MAJIN: variants seen among roughly 807,000 people sequenced by gnomAD.
MAJIN encodes the protein membrane anchored junction protein.
A neutral mutation model predicts 30.2 loss-of-function variants in MAJIN; 27 were observed. The observed-to-expected ratio is 0.89, with a 90% CI of 0.66 to 1.23. MAJIN has a LOEUF of 1.23. Ranked by LOEUF, MAJIN falls within the 50% of genes most tolerant of loss-of-function variation. The probability of loss-of-function intolerance (pLI) is 0.00; values close to 1 mark genes in which losing one functional copy is unlikely to be tolerated. For missense variants in MAJIN, 253 were observed against 260.3 expected, an observed-to-expected ratio of 0.97 and a Z score of 0.19; for synonymous variants, 78 against 91.6, an observed-to-expected ratio of 0.85 and a Z score of 0.85.
chr11:64,950,003 T>C, intron 5 of MAJIN, 135 bp from the exon 6 acceptor site: 1 of 1,231,444 alleles, frequency 8.1e-7, no homozygotes, highest in Non-Finnish European at 1.1e-6. Flanking sequence ...CATTTGAGTC[T>C]AAAATGTGAG....
intron 3 of MAJIN, among the ~76,000 whole-genome samples, chr11:64,958,635 G>A (rs910340025): frequency 6.6e-6 from 1 of 150,756 alleles, no homozygotes; most frequent in Non-Finnish European, 1.5e-5. Flanking sequence ...AAATTGCAAG[G>A]GAGTCGAGAT....
intron 9 of MAJIN, 184 bp from the exon 10 acceptor site, chr11:64,939,951 C>T (rs1391574701): frequency 2.0e-6 from 1 of 510,336 alleles, no homozygotes. Context: ...CTATTCTGAC[C>T]TCAGAGTATT....
At position 64,939,725 on chromosome 11, in the gene MAJIN, G is replaced by C. The variant is rs1945345733; in HGVS notation, c.589C>G (p.Pro197Ala). ...DTACQGELSHPCSTTHLHLRS... is the reference protein window; with the variant it reads ...DTACQGELSHACSTTHLHLRS... ...AGGTGGAGGTGAGTTGTGCTGCAGG[G>C]GTGGGACAATTCGCCCTGGCAGGCT... The change falls in exon 10 of 11, where the codon CCC becomes GCC. Residue 197 changes from proline to alanine, a missense_variant. By Grantham distance (27) the Pro-to-Ala change is conservative. Transcript: ENST00000301896. The C allele has an allele frequency of 6.2e-7, 1 of 1,614,082 alleles. No homozygotes were observed.
chr11:64,963,402 C>T (rs191450091), intron 1 of MAJIN, among the ~76,000 whole-genome samples: 517 of 152,242 alleles, frequency 3.4e-3, no homozygotes, highest in Non-Finnish European at 5.9e-3. Flanking sequence ...GGGCCAAATG[C>T]TATATGAGGA....
chr11:64,942,757 C>A lies in MAJIN; in HGVS notation c.474-2111G>T, dbSNP rs1013737723. Among the ~76,000 whole-genome samples the A allele has an allele frequency of 2.6e-5, 4 of 152,172 alleles. No homozygotes were observed. The South Asian group carries it at 8.3e-4, about 32-fold the overall frequency. ...CTGGGGAGGAAGAAGACCATTCTTA[C>A]CTTTTCTATAGAGAGTGGAGATGGA... On this transcript the variant is annotated intron_variant, in intron 8 of 10. Transcript: ENST00000301896.
At chr11:64,938,597 G>A (rs1456288336) in intron 10 of MAJIN, 24 bp from the exon 11 acceptor site, 3 of 1,534,236 alleles carry the variant, frequency 2.0e-6, no homozygotes, top group Non-Finnish European at 1.7e-6. Flanking sequence ...AACAGAGTAG[G>A]CTGAGACTCT....
intron 8 of MAJIN, among the ~76,000 whole-genome samples, chr11:64,942,963 C>T (rs951738932): frequency 2.0e-5 from 3 of 152,104 alleles, no homozygotes; most frequent in Admixed American, 1.3e-4. Flanking sequence ...TACCGCTGAA[C>T]CAGGGAAAAG....
chr11:64,939,759 A>G lies in MAJIN; in HGVS notation c.555T>C (p.Ser185=), dbSNP rs1037819430. The G allele has an allele frequency of 6.2e-7, 1 of 1,613,702 alleles. No homozygotes were observed. ...ATTCGCCCTGGCAGGCTGTGTCCCC[A>G]CTCAGAATCTGTAAGGAAAACAATC... ...ISLMSRNKIL[S]GDTACQGELS... is the part of the protein sequence containing the mutation. The change falls in exon 10 of 11, where the codon AGT becomes AGC. Residue 185 remains serine, a synonymous_variant. Transcript: ENST00000301896.
At position 64,966,520 on chromosome 11, in the gene MAJIN, G is replaced by C. The variant is rs368939638; in HGVS notation, c.-65+5357C>G. Among the ~76,000 whole-genome samples the C allele has an allele frequency of 3.2e-4, 49 of 152,146 alleles. 2 individuals are homozygous for C. The South Asian group carries it at 9.3e-3, about 29-fold the overall frequency. ...ACTGCAATCCGGCCTGGGCAACACAGAGTGAGACTCCATCTCAAAAAAAGA... is the reference window on the plus strand; with the variant it reads ...ACTGCAATCCGGCCTGGGCAACACACAGTGAGACTCCATCTCAAAAAAAGA... On this transcript the variant is annotated intron_variant, in intron 1 of 10. Coordinates refer to ENST00000301896, the MANE Select transcript of MAJIN (RefSeq NM_001037225.3).
At chr11:64,946,213 A>C (rs1373962146) in intron 8 of MAJIN, 2 of 1,468,050 alleles carry the variant, frequency 1.4e-6, no homozygotes, top group South Asian at 2.5e-5. Context: ...CACTACATTC[A>C]AGCAAATGTG....
At chr11:64,948,573 G>A (rs1463197555) in intron 6 of MAJIN, among the ~76,000 whole-genome samples, 3 of 109,484 alleles carry the variant, frequency 2.7e-5, no homozygotes, top group Non-Finnish European at 5.2e-5. Context: ...GGGACTACAG[G>A]CATGCACCAC....
intron 3 of MAJIN, among the ~76,000 whole-genome samples, chr11:64,957,727 T>C (rs951957228): frequency 6.6e-6 from 1 of 151,968 alleles, no homozygotes; most frequent in Non-Finnish European, 1.5e-5. Context: ...AAAGGTGAGA[T>C]GCTGGGTTTG....
chr11:64,966,109 C>A, intron 1 of MAJIN, among the ~76,000 whole-genome samples: 1 of 124,924 alleles, frequency 8.0e-6, no homozygotes. Context: ...GGTGAGCTGC[C>A]CAGAAGCAGT....
At chr11:64,971,051 T>C (rs1482112299) in intron 1 of MAJIN, among the ~76,000 whole-genome samples, 2 of 151,944 alleles carry the variant, frequency 1.3e-5, no homozygotes, top group Non-Finnish European at 2.9e-5. Flanking sequence ...TCCCAGCACT[T>C]TGGGATGCCG....
At chr11:64,949,963 C>T (rs879586312) in intron 5 of MAJIN, 95 bp from the exon 6 acceptor site, 6 of 1,465,454 alleles carry the variant, frequency 4.1e-6, no homozygotes, top group South Asian at 1.2e-5. Context: ...CCTGACCTAC[C>T]CTCCAAACTG....
intron 6 of MAJIN, 29 bp downstream of exon 6, chr11:64,949,714 G>C: frequency 1.2e-6 from 2 of 1,609,302 alleles, no homozygotes; most frequent in South Asian, 2.2e-5. Flanking sequence ...TTTCTTCTCT[G>C]CCATCCACAT....
chr11:64,939,061 C>T (rs1320901588), intron 10 of MAJIN, among the ~76,000 whole-genome samples: 1 of 152,148 alleles, frequency 6.6e-6, no homozygotes, highest in Non-Finnish European at 1.5e-5. Context: ...CCCCCAGTAG[C>T]TGGGATTACA....
intron 4 of MAJIN, among the ~76,000 whole-genome samples, chr11:64,953,514 C>T (rs1321035103): frequency 6.6e-6 from 1 of 151,994 alleles, no homozygotes; most frequent in Admixed American, 6.6e-5. Flanking sequence ...GTAGAATGGC[C>T]GGGTGCAGTG....
chr11:64,967,688 A>G (rs1285432939), intron 1 of MAJIN, among the ~76,000 whole-genome samples: 1 of 152,180 alleles, frequency 6.6e-6, no homozygotes, highest in Non-Finnish European at 1.5e-5. Context: ...ACAATGCTAC[A>G]AGGTGAGACT....
Sources: allele counts gnomAD v4.1 joint callset (sites outside exome capture counted in the v4.1 genomes callset), GRCh38; gene constraint gnomAD v4.1.1; transcripts MANE v1.5; gene names NCBI Gene and HGNC (gene_info 2026-07-23, HGNC 2026-07-21).